ILF2: variants seen among roughly 807,000 people sequenced by gnomAD.
The protein encoded by ILF2 is interleukin enhancer-binding factor 2.
A neutral mutation model predicts 55.3 loss-of-function variants in ILF2; 9 were observed. That is an observed-to-expected ratio of 0.16 (90% CI 0.10 to 0.28). The LOEUF (loss-of-function observed/expected upper bound fraction) is 0.28, where lower values mean the gene tolerates loss of function less well. Among genes scored for constraint, ILF2 ranks in the 10% least tolerant of loss-of-function variants. The pLI, the probability that ILF2 is intolerant of heterozygous loss-of-function variation, is 1.00. For synonymous variants in ILF2, 151 were observed against 161.8 expected (o/e 0.93, Z 0.50); for missense variants, 266 against 474.9 (o/e 0.56, Z 4.09).
intron 1 of ILF2, among the ~76,000 whole-genome samples, 180 bp from the exon 2 acceptor site, chr1:153,670,410 A>C (rs1669413146): frequency 6.6e-6 from 1 of 152,112 alleles, no homozygotes; most frequent in African/African-American, 2.4e-5. Context: ...CCTCTAAGTT[A>C]ATCCAACCCC....
At chr1:153,664,578 C>CG in intron 8 of ILF2, 104 bp from the exon 9 acceptor site, 1 of 885,640 alleles carries the variant, frequency 1.1e-6, no homozygotes, top group African/African-American at 1.6e-5. Context: ...GCAGGATAGA[C>CG]GGAGTCTCGC....
chr1:153,663,834 TTC>T (rs1290874860), intron 10 of ILF2, among the ~76,000 whole-genome samples: 1 of 151,932 alleles, frequency 6.6e-6, no homozygotes, highest in Non-Finnish European at 1.5e-5. Flanking sequence ...TTTGAATTTT[TTC>T]TTTTTTTTTA....
At position 153,670,970 on chromosome 1, in the gene ILF2, T is replaced by C. The variant is rs1011765531; in HGVS notation, c.-48A>G. Reference sequence around the variant, plus strand: ...GGAGGCCGCACCAACCGCCCCTTCCTCTGAGTAGCAGACAACTGAAGAGGC... The same window carrying C: ...GGAGGCCGCACCAACCGCCCCTTCCCCTGAGTAGCAGACAACTGAAGAGGC... On this transcript the variant is annotated 5_prime_UTR_variant, in exon 1 of 14. Coordinates refer to ENST00000361891, the MANE Select transcript of ILF2 (RefSeq NM_004515.4). The C allele has an allele frequency of 1.6e-5, 26 of 1,613,422 alleles. No individual in the cohort carries two copies. Among genetic ancestry groups the C allele is most frequent in the Middle Eastern group, 1.6e-4 (1 of 6,082 alleles).
chr1:153,670,359 G>C (rs6663046), intron 1 of ILF2, 129 bp from the exon 2 acceptor site: 784,865 of 786,836 alleles, frequency 1, 391,462 homozygotes, highest in East Asian at 1. Flanking sequence ...ACTTACACTT[G>C]TCCCCATTCC....
In ILF2 at chr1:153,665,345, A is replaced by G; in HGVS notation, c.461-9T>C. On this transcript the variant is annotated splice_polypyrimidine_tract_variant and intron_variant, in intron 7 of 13. Transcript: ENST00000361891. ...GGTCAGCATGGTTAAAACTGAAAAA[A>G]CAGAATAAACAAAAACTATAACTCA... 1.3e-6 allele frequency: 2 copies of G among 1,528,736 alleles called. No homozygotes were observed. The highest frequency in any genetic ancestry group is 1.7e-5 in the Admixed American group (1 of 59,676). 94.7% of individuals were successfully genotyped at this position (1,528,736 alleles called of 1,614,324 possible). A position where few individuals can be genotyped will look rare whatever the true frequency, so the allele number is the denominator to read the frequency against.
chr1:153,670,216 C>A lies in ILF2; in HGVS notation c.20G>T (p.Arg7Leu). The A allele has an allele frequency of 6.2e-7, 1 of 1,614,104 alleles. No individual in the cohort carries two copies. Among genetic ancestry groups the A allele is most frequent in the South Asian group, 1.1e-5 (1 of 91,076 alleles). Residue 7 changes from arginine (R) to leucine (L), a missense_variant, in exon 2 of 14, where the codon CGT becomes CTT. Physicochemically the swap from Arg to Leu is moderately radical, Grantham distance 102. Coordinates refer to ENST00000361891, the MANE Select transcript of ILF2 (RefSeq NM_004515.4). ...GGAACCAAAGCGCCCACCACGACCACGGCCTCTGTCACCCCTAGAAATGCA... is the reference window on the plus strand; with the variant it reads ...GGAACCAAAGCGCCCACCACGACCAAGGCCTCTGTCACCCCTAGAAATGCA... Reference protein sequence around the residue: MRGDRGRGRGGRFGSRG... With the variant: MRGDRGLGRGGRFGSRG...
intron 2 of ILF2, 45 bp downstream of exon 2, chr1:153,670,126 A>T: frequency 6.3e-7 from 1 of 1,589,086 alleles, no homozygotes; most frequent in South Asian, 1.1e-5. Context: ...GATGACAAGC[A>T]GAAACTAACA....
At chr1:153,663,408 A>G in intron 10 of ILF2, 132 bp from the exon 11 acceptor site, 1 of 800,278 alleles carries the variant, frequency 1.2e-6, no homozygotes, top group East Asian at 2.5e-5. Context: ...AGTTCACTGT[A>G]ACCGCGAACT....
At chr1:153,663,187 C>G (rs1401757823) in intron 11 of ILF2, 28 bp downstream of exon 11, 2 of 1,614,004 alleles carry the variant, frequency 1.2e-6, no homozygotes, top group Non-Finnish European at 1.7e-6. Context: ...TAGTTTACAA[C>G]CAACCCTAAA....
At chr1:153,665,978 A>G (rs923215774) in intron 6 of ILF2, among the ~76,000 whole-genome samples, 1 of 152,170 alleles carries the variant, frequency 6.6e-6, no homozygotes, top group African/African-American at 2.4e-5. Flanking sequence ...GTGGCAGTTA[A>G]TAACATTTTG....
Position 153,663,056 on chromosome 1 carries a change from T to G in ILF2, c.884A>C (p.Asn295Thr). 1 of 1,614,120 alleles carries G rather than the reference T, an allele frequency of 6.2e-7. No individual in the cohort carries two copies. The highest frequency in any genetic ancestry group is 8.5e-7 in the Non-Finnish European group (1 of 1,179,984). The change falls in exon 12 of 14, where the codon AAC (asparagine) becomes ACC (threonine). Residue 295 changes from asparagine to threonine, a missense_variant. Physicochemically the swap from Asn to Thr is moderately conservative, Grantham distance 65 (BLOSUM62 0). Transcript: ENST00000361891. Reference sequence around the variant, plus strand: ...GGTCATGACTGTGTGTACTCTAAAGTTGCCACTCTCACAGGGGTCAGTGAT... The same window carrying G: ...GGTCATGACTGTGTGTACTCTAAAGGTGCCACTCTCACAGGGGTCAGTGAT... ...VGITDPCESG[N>T]FRVHTVMTLE...
chr1:153,668,160 TC>T, intron 4 of ILF2, 83 bp from the exon 5 acceptor site: 4 of 1,063,180 alleles, frequency 3.8e-6, no homozygotes, highest in Non-Finnish European at 5.6e-6. Context: ...CCTAATCCCT[TC>T]CATACAAGCT....
intron 6 of ILF2, among the ~76,000 whole-genome samples, chr1:153,666,446 G>A (rs972156798): frequency 1.3e-5 from 2 of 152,076 alleles, no homozygotes; most frequent in South Asian, 2.1e-4. Context: ...GATTACAGGC[G>A]TGAGCCACTG....
At chr1:153,669,756 C>G in intron 3 of ILF2, 80 bp downstream of exon 3, 1 of 1,215,020 alleles carries the variant, frequency 8.2e-7, no homozygotes, top group Non-Finnish European at 1.2e-6. Flanking sequence ...CAACCACCAT[C>G]TAACTTCATT....
chr1:153,663,956 TTACTACTACTACTACTAC>T (rs10598064), intron 10 of ILF2, 69 bp downstream of exon 10: 22 of 423,054 alleles, frequency 5.2e-5, no homozygotes, highest in South Asian at 1.4e-4. Context: ...AATTTCAGAG[TTACTACTACTACTACTAC>T]TACTACTACT....
At position 153,667,546 on chromosome 1, in the gene ILF2, C is replaced by CCA. The variant is rs748142872; in HGVS notation, c.394+8_394+9insTG. On this transcript the variant is annotated intron_variant, in intron 6 of 13. Coordinates refer to ENST00000361891, the MANE Select transcript of ILF2 (RefSeq NM_004515.4). ...TTCTGTTCCCATGACCAGAAACAGG[C>CCA]ACACTCACACGTTGGCAGAATCTTG... The CCA allele has an allele frequency of 2.5e-6, 4 of 1,568,998 alleles. No homozygotes were observed. The Admixed American group carries it at 6.7e-5, about 26-fold the overall frequency.
At chr1:153,663,368 ATC>A in intron 10 of ILF2, 92 bp from the exon 11 acceptor site, 3 of 1,243,048 alleles carry the variant, frequency 2.4e-6, no homozygotes, top group Non-Finnish European at 3.5e-6. Context: ...TCACTTTGTC[ATC>A]CAGGCTGGAG....
chr1:153,667,225 C>A, intron 6 of ILF2: 1 of 433,694 alleles, frequency 2.3e-6, no homozygotes, highest in Non-Finnish European at 4.1e-6. Context: ...CGCCTGTAAT[C>A]CCAGCACTTT....
Position 153,670,960 on chromosome 1 carries a change from C to T in ILF2, c.-38G>A. The T allele has an allele frequency of 2.5e-6, 4 of 1,614,106 alleles. No individual in the cohort carries two copies. Among genetic ancestry groups the T allele is most frequent in the South Asian group, 1.1e-5 (1 of 91,080 alleles). On this transcript the variant is annotated 5_prime_UTR_variant, in exon 1 of 14. Transcript: ENST00000361891. ...CACGAACAATGGAGGCCGCACCAAC[C>T]GCCCCTTCCTCTGAGTAGCAGACAA... is the stretch of plus-strand genomic sequence containing the variant.
Sources: gnomAD v4.1 joint callset for allele counts (sites outside exome capture counted in the v4.1 genomes callset) on GRCh38, gnomAD v4.1.1 for gene constraint, MANE v1.5 for transcripts, NCBI Gene and HGNC (gene_info 2026-07-23, HGNC 2026-07-21) for gene names.